The following AGBL1 variants were observed in gnomAD, a reference collection of about 807,000 sequenced individuals.
The protein encoded by AGBL1 is AGBL carboxypeptidase 1.
Under a neutral mutation model 118.9 loss-of-function variants are expected in AGBL1, and 130 were observed. The ratio of observed to expected loss-of-function variants is 1.09; its 90% CI spans 0.95 to 1.26. The LOEUF (loss-of-function observed/expected upper bound fraction) is 1.26, where lower values mean the gene tolerates loss of function less well. Among genes scored for constraint, AGBL1 ranks in the 50% most tolerant of loss-of-function variants. The pLI is 0.00. For missense variants in AGBL1, 1,584 were observed against 1,298.1 expected, an observed-to-expected ratio of 1.22 and a Z score of -3.38; for synonymous variants, 555 against 478.9, an observed-to-expected ratio of 1.16 and a Z score of -2.08.
At chr15:86,729,951 A>G (rs138898562) in intron 22 of AGBL1, among the ~76,000 whole-genome samples, 2 of 152,208 alleles carry the variant, frequency 1.3e-5, no homozygotes, top group East Asian at 3.9e-4. Context: ...TTTTGACTTT[A>G]AAGTAATAGT....
intron 1 of AGBL1, among the ~76,000 whole-genome samples, chr15:86,080,776 G>A (rs753845387): frequency 1.3e-5 from 2 of 152,018 alleles, no homozygotes; most frequent in Non-Finnish European, 2.9e-5. Flanking sequence ...ACTCCCCCGG[G>A]GTCTCCATGT....
At chr15:86,780,657 C>CTTTTTTTTTTT (rs71144066) in intron 22 of AGBL1, among the ~76,000 whole-genome samples, 7 of 143,002 alleles carry the variant, frequency 4.9e-5, no homozygotes, top group Admixed American at 7.0e-5. Flanking sequence ...TCTTTAACTT[C>CTTTTTTTTTTT]TTTTTTTTTT....
At chr15:86,501,324 A>G (rs966993238) in intron 18 of AGBL1, among the ~76,000 whole-genome samples, 1 of 151,548 alleles carries the variant, frequency 6.6e-6, no homozygotes, top group Non-Finnish European at 1.5e-5. Flanking sequence ...TGTCTATTCA[A>G]ATATTTTACC....
chr15:86,265,639 C>G (rs1360999743), intron 11 of AGBL1, among the ~76,000 whole-genome samples: 1 of 152,142 alleles, frequency 6.6e-6, no homozygotes, highest in Non-Finnish European at 1.5e-5. Context: ...GCTGACATAT[C>G]CAACCCTACC....
chr15:86,493,015 G>T (rs112836839), intron 18 of AGBL1, among the ~76,000 whole-genome samples: 1 of 152,110 alleles, frequency 6.6e-6, no homozygotes, highest in Non-Finnish European at 1.5e-5. Context: ...CCAACATGGC[G>T]AAACCTCACC....
At chr15:86,904,149 T>G (rs1002923480) in intron 22 of AGBL1, among the ~76,000 whole-genome samples, 1 of 152,184 alleles carries the variant, frequency 6.6e-6, no homozygotes, top group African/African-American at 2.4e-5. Context: ...AAACAAGCTC[T>G]TGTTGGGGCT....
At chr15:86,463,213 C>T (rs12910443) in intron 18 of AGBL1, among the ~76,000 whole-genome samples, 75,332 of 151,488 alleles carry the variant, frequency 0.5, 19,265 homozygotes, top group Middle Eastern at 0.59. Context: ...TTTTTATGTG[C>T]TTTTTTGCTG....
At chr15:86,806,810 C>T (rs915548866) in intron 22 of AGBL1, among the ~76,000 whole-genome samples, 8 of 150,494 alleles carry the variant, frequency 5.3e-5, no homozygotes, top group African/African-American at 1.9e-4. Context: ...CTTACTTGTA[C>T]ACTATATAAA....
At chr15:86,315,717 CAA>C (rs35136419) in intron 17 of AGBL1, among the ~76,000 whole-genome samples, 33 of 127,468 alleles carry the variant, frequency 2.6e-4, no homozygotes, top group African/African-American at 3.8e-4. Context: ...GACTTTTTCT[CAA>C]AAAAAAAAAA....
intron 24 of AGBL1, among the ~76,000 whole-genome samples, chr15:87,003,170 G>T (rs1280237860): frequency 2.7e-5 from 4 of 149,636 alleles, no homozygotes; most frequent in African/African-American, 1.0e-4. Flanking sequence ...CTAATTTATT[G>T]AGAGTTTTTA....
At chr15:86,874,086 C>T (rs773124047) in intron 22 of AGBL1, among the ~76,000 whole-genome samples, 1 of 152,080 alleles carries the variant, frequency 6.6e-6, no homozygotes, top group East Asian at 1.9e-4. Flanking sequence ...AGGGTCAAGT[C>T]TGATTCAGCT....
intron 20 of AGBL1, among the ~76,000 whole-genome samples, chr15:86,553,604 G>T (rs2083691928): frequency 6.6e-6 from 1 of 152,080 alleles, no homozygotes; most frequent in Non-Finnish European, 1.5e-5. Flanking sequence ...TGGCCCCTTT[G>T]GCCTTGTGAA....
chr15:86,665,621 C>A (rs1276965246), intron 21 of AGBL1, among the ~76,000 whole-genome samples: 1 of 151,998 alleles, frequency 6.6e-6, no homozygotes, highest in Non-Finnish European at 1.5e-5. Context: ...TATATCTAAT[C>A]ATTAATATTT....
chr15:86,514,344 T>C (rs1047952216), intron 18 of AGBL1, among the ~76,000 whole-genome samples: 2 of 152,144 alleles, frequency 1.3e-5, no homozygotes, highest in African/African-American at 2.4e-5. Flanking sequence ...AGAATACACA[T>C]AAAGTAGTTT....
intron 18 of AGBL1, among the ~76,000 whole-genome samples, chr15:86,460,193 GAGGCCATTGGATGAT>G (rs1454515417): frequency 6.6e-6 from 1 of 151,470 alleles, no homozygotes; most frequent in African/African-American, 2.4e-5. Flanking sequence ...AAAGTAAAAG[GAGGCCATTGGATGAT>G]AGGCATCTCA....
intron 17 of AGBL1, among the ~76,000 whole-genome samples, chr15:86,328,078 A>G (rs2080212235): frequency 6.6e-6 from 1 of 152,232 alleles, no homozygotes; most frequent in Non-Finnish European, 1.5e-5. Flanking sequence ...TGAAAACAAG[A>G]TGAGTCAACA....
intron 1 of AGBL1, among the ~76,000 whole-genome samples, chr15:86,130,256 C>G (rs1473145428): frequency 6.6e-6 from 1 of 152,158 alleles, no homozygotes; most frequent in Admixed American, 6.5e-5. Flanking sequence ...CTACCACTTT[C>G]TCTCTCATTC....
chr15:86,321,294 G>T (rs886288895), intron 17 of AGBL1, among the ~76,000 whole-genome samples: 9 of 151,742 alleles, frequency 5.9e-5, no homozygotes, highest in Non-Finnish European at 1.3e-4. Flanking sequence ...AATATTTTCT[G>T]GTTTTCTTAT....
chr15:86,797,853 T>G (rs1271425193), intron 22 of AGBL1, among the ~76,000 whole-genome samples: 2 of 152,170 alleles, frequency 1.3e-5, no homozygotes, highest in Non-Finnish European at 2.9e-5. Flanking sequence ...ATCAGAAGTT[T>G]GATATGAGGT....
Sources: allele counts gnomAD v4.1 joint callset (sites outside exome capture counted in the v4.1 genomes callset), GRCh38; gene constraint gnomAD v4.1.1; transcripts MANE v1.5; gene names NCBI Gene and HGNC (gene_info 2026-07-23, HGNC 2026-07-21).